Variants in DGKH observed in about 807,000 individuals in gnomAD.
The protein encoded by DGKH is DAG kinase eta.
DGKH carries 90 observed loss-of-function variants against 159.3 expected under a neutral mutation model. That is an observed-to-expected ratio of 0.57 (90% CI 0.48 to 0.67). The LOEUF (loss-of-function observed/expected upper bound fraction) is 0.67, where lower values mean the gene tolerates loss of function less well. Among genes scored for constraint, DGKH ranks in the 30% least tolerant of loss-of-function variants. The probability of loss-of-function intolerance (pLI) is 0.00; values close to 1 mark genes in which losing one functional copy is unlikely to be tolerated. For synonymous variants in DGKH, 536 were observed against 553.8 expected, an observed-to-expected ratio of 0.97 and a Z score of 0.45; for missense variants, 1,181 against 1,506.1, an observed-to-expected ratio of 0.78 and a Z score of 3.57.
intron 29 of DGKH, among the ~76,000 whole-genome samples, chr13:42,250,014 A>G (rs1958610058): frequency 1.3e-5 from 2 of 149,710 alleles, no homozygotes; most frequent in Non-Finnish European, 3.0e-5. Flanking sequence ...TCTGTTGCCC[A>G]GGCTGGAGTG....
At position 42,229,669 on chromosome 13, in the gene DGKH, A is replaced by G. The variant is rs1958239507; in HGVS notation, c.*481A>G. On this transcript the variant is annotated 3_prime_UTR_variant, in exon 30 of 30. Coordinates refer to ENST00000337343, the MANE Select transcript of DGKH (RefSeq NM_178009.5). ...AGTTGTGATTTGAATGTAGATTGGTATCACCTCCAACTCCTAGTGCTTAGT... is the reference window on the plus strand; with the variant it reads ...AGTTGTGATTTGAATGTAGATTGGTGTCACCTCCAACTCCTAGTGCTTAGT... 1 of 153,936 alleles carries G rather than the reference A, an allele frequency of 6.5e-6. No individual in the cohort carries two copies. The highest frequency in any genetic ancestry group is 2.4e-5 in the African/African-American group (1 of 41,482). 9.5% of individuals were successfully genotyped at this position (153,936 alleles called of 1,614,324 possible).
chr13:42,177,880 TA>T (rs1268955906), intron 12 of DGKH, among the ~76,000 whole-genome samples: 8 of 152,180 alleles, frequency 5.3e-5, no homozygotes, highest in South Asian at 2.1e-4. Flanking sequence ...TATATTGAGA[TA>T]TTTTTACATT....
intron 25 of DGKH, among the ~76,000 whole-genome samples, chr13:42,215,040 T>A (rs537993583): frequency 6.6e-6 from 1 of 152,294 alleles, no homozygotes; most frequent in Admixed American, 6.5e-5. Flanking sequence ...TTTTGCTAAA[T>A]CGGAAATTGA....
intron 11 of DGKH, 131 bp from the exon 12 acceptor site, chr13:42,173,929 C>T: frequency 3.1e-5 from 15 of 491,774 alleles, no homozygotes; most frequent in South Asian, 1.8e-4. Context: ...TAAAATAAAC[C>T]ATAGTTCATG....
At chr13:42,090,116 G>A (rs1472520657) in intron 1 of DGKH, among the ~76,000 whole-genome samples, 1 of 152,168 alleles carries the variant, frequency 6.6e-6, no homozygotes, top group Non-Finnish European at 1.5e-5. Context: ...TGTGGCTACT[G>A]GAGTGGGACA....
At chr13:42,199,463 A>G in intron 18 of DGKH, 103 bp from the exon 19 acceptor site, 1 of 775,652 alleles carries the variant, frequency 1.3e-6, no homozygotes, top group South Asian at 2.1e-5. Context: ...AATCTGCTAT[A>G]AAATGAAAGC....
intron 1 of DGKH, among the ~76,000 whole-genome samples, chr13:42,054,602 A>G (rs1881612804): frequency 6.6e-6 from 1 of 152,208 alleles, no homozygotes; most frequent in South Asian, 2.1e-4. Context: ...GGTGCTGGGG[A>G]GAACTGGATA....
chr13:42,171,915 C>T (rs1177182408), intron 11 of DGKH, among the ~76,000 whole-genome samples: 13 of 151,216 alleles, frequency 8.6e-5, no homozygotes, highest in South Asian at 2.1e-4. Flanking sequence ...CTGCAAGCTC[C>T]GCCTCCCAGG....
chr13:42,211,670 C>G (rs1190232796), intron 24 of DGKH, among the ~76,000 whole-genome samples: 2 of 152,034 alleles, frequency 1.3e-5, no homozygotes, highest in Admixed American at 6.6e-5. Flanking sequence ...TGCACTGCAG[C>G]CTGGACGACA....
intron 1 of DGKH, among the ~76,000 whole-genome samples, chr13:42,084,986 T>G (rs758857460): frequency 1.3e-5 from 2 of 152,168 alleles, no homozygotes; most frequent in Non-Finnish European, 2.9e-5. Context: ...TTTTTGCTCA[T>G]GATACTTTAC....
chr13:42,110,069 G>T (rs1246719992), intron 1 of DGKH, among the ~76,000 whole-genome samples: 2 of 152,174 alleles, frequency 1.3e-5, no homozygotes. Context: ...TTTGGGGAAA[G>T]AACTAGAGAA....
At chr13:42,057,389 G>GT (rs1215782417) in intron 1 of DGKH, among the ~76,000 whole-genome samples, 1 of 152,166 alleles carries the variant, frequency 6.6e-6, no homozygotes, top group Non-Finnish European at 1.5e-5. Context: ...AAGTGCAAGA[G>GT]TTTTATCTGA....
rs76464766 is a variant in DGKH, at chr13:42,107,235, C to T, written c.193-20228C>T. Among the ~76,000 whole-genome samples the T allele has an allele frequency of 3.3e-5, 5 of 152,282 alleles. No individual in the cohort carries two copies. In the South Asian group the frequency reaches 8.3e-4, roughly 25 times the overall value. The stretch of plus-strand genomic sequence containing the variant: ...GAGTCACGAGAGGAAAGGTCCAGGG[C>T]GGGGGTGTGCATTCTGCACCTGCAG... On this transcript the variant is annotated intron_variant, in intron 1 of 29. Coordinates refer to ENST00000337343, the MANE Select transcript of DGKH (RefSeq NM_178009.5).
At chr13:42,137,708 A>G (rs561312641) in intron 3 of DGKH, among the ~76,000 whole-genome samples, 1 of 152,196 alleles carries the variant, frequency 6.6e-6, no homozygotes, top group Non-Finnish European at 1.5e-5. Flanking sequence ...AGAATATTTC[A>G]TTGTATTTTG....
chr13:42,139,837 T>C (rs1955496403), intron 3 of DGKH, among the ~76,000 whole-genome samples: 1 of 152,242 alleles, frequency 6.6e-6, no homozygotes, highest in East Asian at 1.9e-4. Context: ...ATTTAAAGGC[T>C]ATGCTGCCTG....
chr13:42,158,578 T>A (rs2137967990), intron 5 of DGKH, among the ~76,000 whole-genome samples: 1 of 152,312 alleles, frequency 6.6e-6, no homozygotes, highest in Admixed American at 6.5e-5. Context: ...TTCCTTTTGA[T>A]AATATGGCTG....
chr13:42,206,347 A>G (rs1042724574), intron 21 of DGKH, among the ~76,000 whole-genome samples: 1 of 152,192 alleles, frequency 6.6e-6, no homozygotes, highest in Admixed American at 6.5e-5. Context: ...TCTCATGTTG[A>G]AGATACAGAT....
chr13:42,228,361 C>G (rs1286865886), intron 29 of DGKH, among the ~76,000 whole-genome samples: 1 of 152,144 alleles, frequency 6.6e-6, no homozygotes, highest in Non-Finnish European at 1.5e-5. Flanking sequence ...TTTTTACACA[C>G]ATACATTACA....
intron 3 of DGKH, among the ~76,000 whole-genome samples, chr13:42,133,329 T>A (rs937171956): frequency 6.6e-6 from 1 of 152,190 alleles, no homozygotes; most frequent in Middle Eastern, 3.2e-3. Context: ...ATGAGAAGAC[T>A]TTTTGTTGAA....
Sources: gnomAD v4.1 joint callset for allele counts (sites outside exome capture counted in the v4.1 genomes callset) on GRCh38, gnomAD v4.1.1 for gene constraint, MANE v1.5 for transcripts, NCBI Gene and HGNC (gene_info 2026-07-23, HGNC 2026-07-21) for gene names.